Variants in DISP1 observed in about 807,000 individuals in gnomAD.
DISP1 encodes protein dispatched homolog 1.
Under a neutral mutation model 37.3 loss-of-function variants are expected in DISP1, and 30 were observed. The observed-to-expected ratio is 0.80, with a 90% CI of 0.60 to 1.09. The LOEUF (loss-of-function observed/expected upper bound fraction) is 1.09, where lower values mean the gene tolerates loss of function less well. Ranked by LOEUF, DISP1 falls within the 50% of genes least tolerant of loss-of-function variation. The pLI, the probability that DISP1 is intolerant of heterozygous loss-of-function variation, is 0.00. For missense variants in DISP1, 1,598 were observed against 1,879.5 expected, an observed-to-expected ratio of 0.85 and a Z score of 2.77; for synonymous variants, 634 against 690.2, an observed-to-expected ratio of 0.92 and a Z score of 1.28.
chr1:222,981,273 T>C (rs1677813702), intron 3 of DISP1, among the ~76,000 whole-genome samples: 1 of 151,480 alleles, frequency 6.6e-6, no homozygotes, highest in South Asian at 2.1e-4. Context: ...GAGACTTGAG[T>C]TCTCACTACA....
chr1:222,989,712 T>C (rs1678544426), intron 4 of DISP1, among the ~76,000 whole-genome samples: 1 of 152,192 alleles, frequency 6.6e-6, no homozygotes. Flanking sequence ...TGACAAGAAT[T>C]TCTGCTCTCA....
chr1:222,887,700 T>C (rs886569947), intron 1 of DISP1, among the ~76,000 whole-genome samples: 1 of 115,512 alleles, frequency 8.7e-6, no homozygotes, highest in African/African-American at 3.1e-5. Context: ...GGGTTTCACC[T>C]TGTTAGCCAG....
intron 1 of DISP1, among the ~76,000 whole-genome samples, chr1:222,833,480 A>T (rs147887310): frequency 2.6e-5 from 4 of 152,326 alleles, no homozygotes; most frequent in African/African-American, 4.8e-5. Flanking sequence ...ACTGTTGAAT[A>T]GTTTAGTTAT....
Position 222,894,563 on chromosome 1 carries a change from C to T in DISP1, c.-158-33867C>T, listed in dbSNP as rs1437250254. ...GCTGGGAGCAGGGAGCAGGGGGAGGCCAGGCAGCAGGAGCAGTCACTTCCA... is the reference window on the plus strand; with the variant it reads ...GCTGGGAGCAGGGAGCAGGGGGAGGTCAGGCAGCAGGAGCAGTCACTTCCA... On this transcript the variant is annotated intron_variant, in intron 1 of 8. Coordinates refer to ENST00000675850, the MANE Select transcript of DISP1 (RefSeq NM_001377229.1). 2.6e-5 allele frequency among the ~76,000 whole-genome samples: 4 copies of T among 152,320 alleles called. No homozygotes were observed. In the South Asian group the frequency reaches 6.2e-4, roughly 24 times the overall value.
chr1:222,848,804 T>C (rs1668064813), intron 1 of DISP1, among the ~76,000 whole-genome samples: 1 of 152,190 alleles, frequency 6.6e-6, no homozygotes, highest in Non-Finnish European at 1.5e-5. Flanking sequence ...TACTTAGTTG[T>C]CTTCCATTAA....
chr1:222,863,246 G>C (rs1397040029), intron 1 of DISP1, among the ~76,000 whole-genome samples: 3 of 147,276 alleles, frequency 2.0e-5, no homozygotes, highest in African/African-American at 7.3e-5. Flanking sequence ...GAGGGCTGAA[G>C]GCGGTGGCTC....
intron 3 of DISP1, among the ~76,000 whole-genome samples, chr1:222,947,989 T>C (rs1241962674): frequency 6.6e-6 from 1 of 152,136 alleles, no homozygotes; most frequent in Non-Finnish European, 1.5e-5. Context: ...TGGTGGATGA[T>C]TGGATATCGG....
intron 1 of DISP1, among the ~76,000 whole-genome samples, chr1:222,889,706 ATTAC>A (rs1323043315): frequency 2.0e-5 from 3 of 152,184 alleles, no homozygotes; most frequent in Admixed American, 6.5e-5. Context: ...TCTTTTAAAA[ATTAC>A]TTACTGTTGT....
chr1:222,921,035 C>T (rs551747266), intron 1 of DISP1, among the ~76,000 whole-genome samples: 15 of 152,288 alleles, frequency 9.8e-5, no homozygotes, highest in African/African-American at 3.6e-4. Context: ...TTGGGCCGGG[C>T]ACAGTGGCTC....
chr1:222,984,143 C>A (rs1455781199), intron 4 of DISP1, among the ~76,000 whole-genome samples: 1 of 151,856 alleles, frequency 6.6e-6, no homozygotes, highest in African/African-American at 2.4e-5. Context: ...CAGTGGCTCA[C>A]GCCTATAATC....
rs116709829 is a variant in DISP1, at chr1:222,855,436, A to G, written c.-159+40358A>G. Among the ~76,000 whole-genome samples, 348 of 152,340 alleles carry G rather than the reference A, an allele frequency of 2.3e-3. 1 individual carries two copies. Among genetic ancestry groups the G allele is most frequent in the African/African-American group, 8.3e-3 (344 of 41,578 alleles). On this transcript the variant is annotated intron_variant, in intron 1 of 8. Coordinates refer to ENST00000675850, the MANE Select transcript of DISP1 (RefSeq NM_001377229.1). ...GTATTATCTTCATTAGGAAGAATAT[A>G]TATGGAAGTAATCAACAAACTGAAC...
intron 3 of DISP1, among the ~76,000 whole-genome samples, chr1:222,964,370 T>C (rs190964109): frequency 1.3e-5 from 2 of 152,294 alleles, no homozygotes; most frequent in Non-Finnish European, 2.9e-5. Context: ...GAATGAAGTT[T>C]AAGTGTGTCT....
chr1:222,943,462 G>T, intron 3 of DISP1, 130 bp downstream of exon 3: 1 of 1,290,178 alleles, frequency 7.8e-7, no homozygotes. Context: ...CGCATATTCT[G>T]TGGATTGTGT....
At chr1:222,847,191 G>A (rs940884944) in intron 1 of DISP1, among the ~76,000 whole-genome samples, 2 of 152,162 alleles carry the variant, frequency 1.3e-5, no homozygotes, top group Admixed American at 1.3e-4. Context: ...AATGACATAC[G>A]TTAAGCTAAC....
chr1:222,972,104 TTA>T (rs1049033093), intron 3 of DISP1, among the ~76,000 whole-genome samples: 1 of 152,050 alleles, frequency 6.6e-6, no homozygotes, highest in Non-Finnish European at 1.5e-5. Flanking sequence ...CTAATTGTAC[TTA>T]TATAATTATA....
At chr1:222,836,168 A>C (rs978702231) in intron 1 of DISP1, among the ~76,000 whole-genome samples, 6 of 152,144 alleles carry the variant, frequency 3.9e-5, no homozygotes, top group African/African-American at 1.4e-4. Context: ...ACTGGGGGGA[A>C]AAAACAGCCT....
intron 8 of DISP1, among the ~76,000 whole-genome samples, chr1:223,001,634 G>C (rs1483462522): frequency 1.3e-5 from 2 of 152,166 alleles, no homozygotes; most frequent in Non-Finnish European, 2.9e-5. Context: ...TCAAGATCAA[G>C]GAATTAGCAG....
intron 1 of DISP1, among the ~76,000 whole-genome samples, chr1:222,877,997 G>A (rs1020984332): frequency 5.3e-5 from 8 of 152,206 alleles, no homozygotes; most frequent in African/African-American, 1.9e-4. Flanking sequence ...GGCTGGAGAA[G>A]TAGGTATGAG....
chr1:222,940,125 CA>C (rs759722449), intron 2 of DISP1, among the ~76,000 whole-genome samples: 46 of 123,502 alleles, frequency 3.7e-4, no homozygotes, highest in South Asian at 1.0e-3. Flanking sequence ...GACTCCATCT[CA>C]AAAAAAAAAA....
Sources: allele counts gnomAD v4.1 joint callset (sites outside exome capture counted in the v4.1 genomes callset), GRCh38; gene constraint gnomAD v4.1.1; transcripts MANE v1.5; gene names NCBI Gene and HGNC (gene_info 2026-07-23, HGNC 2026-07-21).